Variants in MAST2 observed in about 807,000 individuals in gnomAD.
MAST2 encodes the protein microtubule-associated serine/threonine-protein kinase 2.
A neutral mutation model predicts 147.4 loss-of-function variants in MAST2; 70 were observed. The ratio of observed to expected loss-of-function variants is 0.47; its 90% CI spans 0.39 to 0.58. The LOEUF is 0.58. MAST2 is among the 20% of genes least tolerant of loss of function. The pLI is 0.00. For missense variants in MAST2, 2,080 were observed against 2,302.3 expected, an observed-to-expected ratio of 0.90 and a Z score of 1.98; for synonymous variants, 869 against 896.8, an observed-to-expected ratio of 0.97 and a Z score of 0.55.
At chr1:45,897,514 A>G (rs1268778166) in intron 4 of MAST2, among the ~76,000 whole-genome samples, 1 of 152,194 alleles carries the variant, frequency 6.6e-6, no homozygotes, top group Non-Finnish European at 1.5e-5. Context: ...TTGGGGAGGA[A>G]AGAAAAAACT....
At chr1:45,933,775 G>A (rs954080342) in intron 4 of MAST2, among the ~76,000 whole-genome samples, 15 of 151,760 alleles carry the variant, frequency 9.9e-5, no homozygotes, top group African/African-American at 3.6e-4. Flanking sequence ...GAGAAAGTGA[G>A]AACTCTGACC....
At chr1:45,960,795 G>C (rs1447526312) in intron 5 of MAST2, among the ~76,000 whole-genome samples, 1 of 152,240 alleles carries the variant, frequency 6.6e-6, no homozygotes, top group Non-Finnish European at 1.5e-5. Flanking sequence ...CCTGGGCATA[G>C]AAAGCCATGG....
chr1:46,032,609 G>A lies in MAST2; in HGVS notation c.3428G>A (p.Gly1143Glu). 1 of 1,614,172 alleles carries A rather than the reference G, an allele frequency of 6.2e-7. No homozygotes were observed. The highest frequency in any genetic ancestry group is 8.5e-7 in the Non-Finnish European group (1 of 1,180,012). Residue 1143 changes from glycine to glutamate, a missense_variant, in exon 26 of 29, where the codon GGA (glycine) becomes GAA (glutamate). By Grantham distance (98) the Gly-to-Glu change is moderately conservative. Transcript: ENST00000361297. ...TTCCTGGCACAGCACGTGGAGGATG[G>A]AGGTCCGGCCAGTGAGGCAGGGCTT... ...VHHMVWHVED[G>E]GPASEAGLRQ...
At chr1:46,003,557 T>G (rs1645360566) in intron 7 of MAST2, among the ~76,000 whole-genome samples, 1 of 151,560 alleles carries the variant, frequency 6.6e-6, no homozygotes, top group Non-Finnish European at 1.5e-5. Flanking sequence ...AGCTTCAACC[T>G]CCCCAGGCTC....
At chr1:45,855,982 G>T (rs1645776174) in intron 3 of MAST2, among the ~76,000 whole-genome samples, 1 of 152,148 alleles carries the variant, frequency 6.6e-6, no homozygotes, top group South Asian at 2.1e-4. Context: ...CTTCTCTTGG[G>T]CTTCAGAAGT....
chr1:46,031,315 G>T lies in MAST2; in HGVS notation c.2992+25G>T, dbSNP rs374362139. On this transcript the variant is annotated intron_variant, in intron 23 of 28. Transcript: ENST00000361297. This position sits in a 1 kb window ranked among gnomAD's most constrained non-coding sequence, Gnocchi z 4.1. ...GGTATGGCCCAGTGGGCGGCCAAAC[G>T]ACCTAAGCTGGAGGATACTGCAGGG... 1.9e-6 allele frequency: 3 copies of T among 1,544,624 alleles called. No homozygotes were observed. In the South Asian group the frequency reaches 3.7e-5, roughly 19 times the overall value.
chr1:46,016,857 G>T (rs1257606158), intron 10 of MAST2, among the ~76,000 whole-genome samples: 5 of 151,920 alleles, frequency 3.3e-5, no homozygotes, highest in East Asian at 1.9e-4. Context: ...AAAAGAGCCC[G>T]CATCGCCAAG....
intron 3 of MAST2, among the ~76,000 whole-genome samples, chr1:45,878,290 A>G (rs561837546): frequency 9.2e-5 from 14 of 152,222 alleles, no homozygotes; most frequent in African/African-American, 2.9e-4. Flanking sequence ...AATTTGCCAC[A>G]TTAACAGAAG....
chr1:46,031,172 A>T lies in MAST2; in HGVS notation c.2874A>T (p.Ile958=), dbSNP rs371920478. 22 of 1,595,702 alleles carry T rather than the reference A, an allele frequency of 1.4e-5. No homozygotes were observed. In the African/African-American group the frequency reaches 3.0e-4, roughly 21 times the overall value. ...STLRRQPQEG[I]WVLTPPSGEG... ...TCAGGAGGCAACCACAGGAGGGTAT[A>T]TGGGTCCTGACACCCCCATCTGGAG... The change falls in exon 23 of 29, where the codon ATA becomes ATT. Residue 958 remains isoleucine, a synonymous_variant. Coordinates refer to ENST00000361297, the MANE Select transcript of MAST2 (RefSeq NM_015112.3). This position sits in a 1 kb window ranked among gnomAD's most constrained non-coding sequence, Gnocchi z 4.1.
At chr1:45,949,004 G>A (rs906138947) in intron 4 of MAST2, among the ~76,000 whole-genome samples, 1 of 152,102 alleles carries the variant, frequency 6.6e-6, no homozygotes, top group Non-Finnish European at 1.5e-5. Context: ...TCAGTAAGTG[G>A]TTCTGGGATA....
intron 1 of MAST2, among the ~76,000 whole-genome samples, chr1:45,807,971 G>A (rs1005546166): frequency 3.3e-5 from 5 of 152,288 alleles, no homozygotes; most frequent in Admixed American, 2.0e-4. Context: ...TATTTGGGTA[G>A]TAAGAGCCCA....
chr1:45,888,318 C>T (rs575224955), intron 4 of MAST2, among the ~76,000 whole-genome samples: 2 of 152,190 alleles, frequency 1.3e-5, no homozygotes, highest in East Asian at 3.9e-4. Context: ...CAAGTCTTTT[C>T]TGTTATACCT....
intron 4 of MAST2, among the ~76,000 whole-genome samples, chr1:45,921,497 GT>G (rs1337658357): frequency 6.6e-6 from 1 of 152,220 alleles, no homozygotes; most frequent in Non-Finnish European, 1.5e-5. Context: ...GAGCGGAATA[GT>G]GAAGGGTGTG....
intron 3 of MAST2, among the ~76,000 whole-genome samples, chr1:45,865,678 T>C (rs116089263): frequency 1.1e-3 from 166 of 152,328 alleles, no homozygotes; most frequent in Admixed American, 3.9e-3. Flanking sequence ...TCTTAAATCA[T>C]AGGTAGTTTG....
At chr1:45,847,143 G>T in intron 3 of MAST2, 2 of 491,912 alleles carry the variant, frequency 4.1e-6, no homozygotes, top group South Asian at 1.6e-5. Context: ...TTTAATATTT[G>T]GCAATTTCTT....
At chr1:45,967,875 G>T (rs1253772546) in intron 5 of MAST2, among the ~76,000 whole-genome samples, 1 of 152,160 alleles carries the variant, frequency 6.6e-6, no homozygotes, top group Non-Finnish European at 1.5e-5. Flanking sequence ...TCAGTACCTT[G>T]TAATTTTGCT....
intron 4 of MAST2, among the ~76,000 whole-genome samples, chr1:45,940,872 G>C (rs1005838030): frequency 6.6e-6 from 1 of 152,292 alleles, no homozygotes; most frequent in Non-Finnish European, 1.5e-5. Context: ...GCCCGCCTCA[G>C]CCTCCCAAAG....
At chr1:45,889,742 A>G (rs916506198) in intron 4 of MAST2, among the ~76,000 whole-genome samples, 2 of 151,158 alleles carry the variant, frequency 1.3e-5, no homozygotes, top group Non-Finnish European at 2.9e-5. Flanking sequence ...AGTAGCTGGG[A>G]CTACAGGTGC....
rs543026868 is a variant in MAST2, at chr1:45,819,115, T to C, written c.178-5318T>C. Among the ~76,000 whole-genome samples, 6 of 152,076 alleles carry C rather than the reference T, an allele frequency of 3.9e-5. No homozygotes were observed. The South Asian group carries it at 1.3e-3, about 32-fold the overall frequency. The stretch of plus-strand genomic sequence containing the variant: ...CTAAAAATACAAACTTAGCCAGGCA[T>C]GGTGGCACACACCTGTAATCCCAGC... On this transcript the variant is annotated intron_variant, in intron 1 of 28. Coordinates refer to ENST00000361297, the MANE Select transcript of MAST2 (RefSeq NM_015112.3).
Sources: gnomAD v4.1 joint callset for allele counts (sites outside exome capture counted in the v4.1 genomes callset) on GRCh38, gnomAD v4.1.1 for gene constraint, Gnocchi (gnomAD v3.1) non-coding constraint, MANE v1.5 for transcripts, NCBI Gene and HGNC (gene_info 2026-07-23, HGNC 2026-07-21) for gene names.